The following SYNPO2 variants were observed in gnomAD, a reference collection of about 807,000 sequenced individuals.
SYNPO2 encodes the protein synaptopodin 2.
SYNPO2 carries 56 observed loss-of-function variants against 85.0 expected under a neutral mutation model. The ratio of observed to expected loss-of-function variants is 0.66; its 90% CI spans 0.53 to 0.82. SYNPO2 has a LOEUF of 0.82. SYNPO2 is among the 40% of genes least tolerant of loss of function. SYNPO2 has a pLI of 0.00. For missense variants in SYNPO2, 1,575 were observed against 1,534.2 expected (o/e 1.03, Z -0.44); for synonymous variants, 602 against 591.1 (o/e 1.02, Z -0.27).
intron 1 of SYNPO2, among the ~76,000 whole-genome samples, chr4:118,873,583 T>C (rs1420979920): frequency 1.3e-5 from 2 of 152,202 alleles, no homozygotes; most frequent in East Asian, 1.9e-4. Context: ...TTGTGTTCCT[T>C]ATAGATTCTA....
At chr4:118,912,298 A>G (rs1458286214) in intron 1 of SYNPO2, among the ~76,000 whole-genome samples, 4 of 152,100 alleles carry the variant, frequency 2.6e-5, no homozygotes, top group African/African-American at 9.7e-5. Flanking sequence ...TTCCCATTTC[A>G]GCCTCCCCAG....
intron 1 of SYNPO2, among the ~76,000 whole-genome samples, chr4:118,881,999 T>A (rs904008202): frequency 2.0e-5 from 3 of 152,244 alleles, no homozygotes; most frequent in African/African-American, 7.2e-5. Context: ...CTGTTGATGA[T>A]CTATCTGGCA....
intron 1 of SYNPO2, among the ~76,000 whole-genome samples, chr4:118,863,814 G>T (rs1372719095): frequency 6.6e-6 from 1 of 152,090 alleles, no homozygotes; most frequent in Non-Finnish European, 1.5e-5. Flanking sequence ...GTTTTTCCAT[G>T]TTGACCAGGC....
chr4:118,975,908 G>A (rs1735706828), intron 1 of SYNPO2, among the ~76,000 whole-genome samples: 1 of 152,236 alleles, frequency 6.6e-6, no homozygotes, highest in Non-Finnish European at 1.5e-5. Context: ...ACTTTTGTGA[G>A]CCTTACTTTC....
At chr4:119,052,800 A>ACTC (rs1739095115) in intron 4 of SYNPO2, among the ~76,000 whole-genome samples, 1 of 152,260 alleles carries the variant, frequency 6.6e-6, no homozygotes, top group South Asian at 2.1e-4. Flanking sequence ...TAACCATTGA[A>ACTC]CTCTTCCTAA....
At chr4:118,999,099 T>C (rs1414577766) in intron 1 of SYNPO2, among the ~76,000 whole-genome samples, 1 of 152,224 alleles carries the variant, frequency 6.6e-6, no homozygotes, top group African/African-American at 2.4e-5. Flanking sequence ...AGATAATGTA[T>C]GTAAAGTGAA....
At chr4:118,899,389 C>T (rs565143987) in intron 1 of SYNPO2, among the ~76,000 whole-genome samples, 9 of 152,120 alleles carry the variant, frequency 5.9e-5, no homozygotes, top group Non-Finnish European at 2.9e-5. Flanking sequence ...TTTTTATTCT[C>T]ACTGACCAGA....
intron 1 of SYNPO2, among the ~76,000 whole-genome samples, chr4:118,865,382 C>A (rs1394304706): frequency 6.6e-6 from 1 of 152,114 alleles, no homozygotes; most frequent in Non-Finnish European, 1.5e-5. Flanking sequence ...TGCTGAAGCA[C>A]CATAAAGCCG....
At chr4:119,007,263 T>TGTATATAC (rs1553945967) in intron 1 of SYNPO2, among the ~76,000 whole-genome samples, 7 of 77,782 alleles carry the variant, frequency 9.0e-5, no homozygotes, top group African/African-American at 3.4e-4. Flanking sequence ...CATATATATA[T>TGTATATAC]ATATATATAT....
intron 1 of SYNPO2, among the ~76,000 whole-genome samples, chr4:118,941,019 T>C (rs753197914): frequency 1.8e-4 from 28 of 152,152 alleles, no homozygotes; most frequent in Non-Finnish European, 3.5e-4. Flanking sequence ...TTGTAAATGT[T>C]CCACCTGTAG....
rs115230368 is a variant in SYNPO2 at position 118,957,960 on chromosome 4, G to C, written c.106-65470G>C. 5.2e-3 allele frequency among the ~76,000 whole-genome samples: 794 copies of C among 152,252 alleles called. 14 individuals carry two copies. Among genetic ancestry groups the C allele is most frequent in the African/African-American group, 0.017 (694 of 41,552 alleles). The stretch of plus-strand genomic sequence containing the variant: ...TCAAGAATATGCAGCCACTTTTCTT[G>C]CCAAAATCCCCCTCCACTTATGTGG... On this transcript the variant is annotated intron_variant, in intron 1 of 4. Coordinates refer to ENST00000307142, the MANE Select transcript of SYNPO2 (RefSeq NM_133477.3).
intron 1 of SYNPO2, among the ~76,000 whole-genome samples, chr4:118,921,587 T>C (rs1578552275): frequency 6.6e-6 from 1 of 152,020 alleles, no homozygotes; most frequent in African/African-American, 2.4e-5. Context: ...ATCTCTAAAA[T>C]AAAATAATGA....
intron 1 of SYNPO2, among the ~76,000 whole-genome samples, chr4:118,944,468 C>G (rs567871654): frequency 6.6e-6 from 1 of 151,990 alleles, no homozygotes; most frequent in Non-Finnish European, 1.5e-5. Context: ...ATGGACATAT[C>G]CATATTGGGA....
At position 118,943,302 on chromosome 4, in the gene SYNPO2, G is replaced by A. The variant is rs577016065; in HGVS notation, c.105+54161G>A. Among the ~76,000 whole-genome samples the A allele has an allele frequency of 7.2e-4, 109 of 152,306 alleles. 1 individual carries two copies. The highest frequency in any genetic ancestry group is 1.0e-3 in the South Asian group (5 of 4,830). On this transcript the variant is annotated intron_variant, in intron 1 of 4. Coordinates refer to ENST00000307142, the MANE Select transcript of SYNPO2 (RefSeq NM_133477.3). ...CTAAGGGGAAAAGTAATTTTCAGAG[G>A]AGAAAACATTGCAAGCTACAAGAGA...
At chr4:118,860,277 T>C (rs1164901313) in intron 1 of SYNPO2, among the ~76,000 whole-genome samples, 1 of 152,194 alleles carries the variant, frequency 6.6e-6, no homozygotes, top group Non-Finnish European at 1.5e-5. Context: ...AGGGTCTCAC[T>C]CTGTCGCCCA....
At chr4:118,890,571 G>T (rs1732328847) in intron 1 of SYNPO2, among the ~76,000 whole-genome samples, 1 of 145,146 alleles carries the variant, frequency 6.9e-6, no homozygotes. Context: ...CACTGAAGCA[G>T]ATTTGTCCTG....
intron 1 of SYNPO2, among the ~76,000 whole-genome samples, chr4:118,921,656 T>C (rs1203534191): frequency 6.6e-6 from 1 of 152,142 alleles, no homozygotes; most frequent in Non-Finnish European, 1.5e-5. Flanking sequence ...GCCAAAGCTC[T>C]TTAATTTGGA....
At chr4:119,033,157 T>G (rs896805939) in intron 4 of SYNPO2, 18 of 985,322 alleles carry the variant, frequency 1.8e-5, no homozygotes, top group Non-Finnish European at 2.2e-5. Context: ...AGGGGCTGAT[T>G]GTGAAGCACG....
At chr4:119,024,146 A>G (rs561179666) in intron 2 of SYNPO2, among the ~76,000 whole-genome samples, 90 of 152,352 alleles carry the variant, frequency 5.9e-4, no homozygotes, top group Middle Eastern at 3.4e-3. Flanking sequence ...TGGGAATTCA[A>G]TCTCTTCAAA....
Sources: gnomAD v4.1 joint callset for allele counts (sites outside exome capture counted in the v4.1 genomes callset) on GRCh38, gnomAD v4.1.1 for gene constraint, MANE v1.5 for transcripts, NCBI Gene and HGNC (gene_info 2026-07-23, HGNC 2026-07-21) for gene names.